Variants in XXYLT1 observed in about 807,000 individuals in gnomAD.
XXYLT1 encodes xyloside xylosyltransferase 1.
XXYLT1 carries 20 observed loss-of-function variants against 28.9 expected under a neutral mutation model. The observed-to-expected ratio is 0.69, with a 90% confidence interval of 0.49 to 1.00. XXYLT1 has a LOEUF of 1.00. Among genes scored for constraint, XXYLT1 ranks in the 50% least tolerant of loss-of-function variants. XXYLT1 has a pLI of 0.00. For missense variants in XXYLT1, 542 were observed against 560.1 expected (o/e 0.97, Z 0.33); for synonymous variants, 257 against 253.8 (o/e 1.01, Z -0.12).
chr3:195,186,615 T>TCC, intron 2 of XXYLT1, among the ~76,000 whole-genome samples: 1 of 150,570 alleles, frequency 6.6e-6, no homozygotes, highest in African/African-American at 2.4e-5. Context: ...TTAGTAACAA[T>TCC]CCCCCCCCAC....
chr3:195,119,013 C>CA (rs1328653903), intron 3 of XXYLT1, among the ~76,000 whole-genome samples: 1 of 152,058 alleles, frequency 6.6e-6, no homozygotes, highest in Non-Finnish European at 1.5e-5. Flanking sequence ...CGCGGTGGCT[C>CA]ATGCCTGTAA....
At chr3:195,097,279 T>C (rs1188078904) in intron 3 of XXYLT1, among the ~76,000 whole-genome samples, 1 of 152,224 alleles carries the variant, frequency 6.6e-6, no homozygotes, top group Non-Finnish European at 1.5e-5. Context: ...ATACTGTAGC[T>C]GACATTTACT....
chr3:195,222,904 T>C lies in XXYLT1; in HGVS notation c.652+3805A>G, dbSNP rs201613149. 4.1e-4 allele frequency among the ~76,000 whole-genome samples: 63 copies of C among 152,134 alleles called. No homozygotes were observed. In the East Asian group the frequency reaches 9.7e-3, roughly 23 times the overall value. Reference sequence around the variant, plus strand: ...TTGCCTAAATGTTTAAAAAGCTACATGTTGGGAATATAAAGAAGATAAAGA... The same window carrying C: ...TTGCCTAAATGTTTAAAAAGCTACACGTTGGGAATATAAAGAAGATAAAGA... On this transcript the variant is annotated intron_variant, in intron 2 of 3. Transcript: ENST00000310380.
Position 195,196,978 on chromosome 3 carries a change from A to G in XXYLT1, c.652+29731T>C, listed in dbSNP as rs191784391. 1.3e-3 allele frequency among the ~76,000 whole-genome samples: 192 copies of G among 152,302 alleles called. 2 individuals carry two copies. The highest frequency in any genetic ancestry group is 0.012 in the Admixed American group (187 of 15,294). ...TTTTTAAAACCCGGTGTTGTCAATT[A>G]CCTCACAGCATAACCACCCTGGATA... On this transcript the variant is annotated intron_variant, in intron 2 of 3. Transcript: ENST00000310380.
At chr3:195,243,217 G>A (rs1440794437) in intron 1 of XXYLT1, among the ~76,000 whole-genome samples, 3 of 151,804 alleles carry the variant, frequency 2.0e-5, no homozygotes, top group Non-Finnish European at 4.4e-5. Flanking sequence ...TCGTGGGGTG[G>A]GGGGAAGGGG....
At chr3:195,114,352 T>C (rs916355196) in intron 3 of XXYLT1, among the ~76,000 whole-genome samples, 10 of 152,212 alleles carry the variant, frequency 6.6e-5, no homozygotes, top group Non-Finnish European at 1.0e-4. Context: ...GAATGACTAC[T>C]GCCTGGAGAG....
intron 3 of XXYLT1, among the ~76,000 whole-genome samples, chr3:195,113,530 G>C (rs1717890476): frequency 6.6e-6 from 1 of 152,218 alleles, no homozygotes; most frequent in South Asian, 2.1e-4. Flanking sequence ...CTATTAAATA[G>C]TGGAGCCAGG....
rs146302066 is a variant in XXYLT1 at position 195,173,944 on chromosome 3, G to A, written c.653-17363C>T. Among the ~76,000 whole-genome samples, 520 of 152,336 alleles carry A rather than the reference G, an allele frequency of 3.4e-3. 2 individuals carry two copies. The highest frequency in any genetic ancestry group is 0.012 in the African/African-American group (499 of 41,576). On this transcript the variant is annotated intron_variant, in intron 2 of 3. Coordinates refer to ENST00000310380, the MANE Select transcript of XXYLT1 (RefSeq NM_152531.5). The surrounding 1 kb of genome is among the most constrained non-coding windows in gnomAD (Gnocchi z 4.3). Reference sequence around the variant, plus strand: ...TCAGTAGGCACTGGTGAGAACAGCCGCTGGCTCCCTCGGGTTGCAGGAGCA... The same window carrying A: ...TCAGTAGGCACTGGTGAGAACAGCCACTGGCTCCCTCGGGTTGCAGGAGCA...
At chr3:195,203,669 T>A (rs1394831136) in intron 2 of XXYLT1, among the ~76,000 whole-genome samples, 1 of 152,102 alleles carries the variant, frequency 6.6e-6, no homozygotes, top group African/African-American at 2.4e-5. Context: ...TGTGTCAGTG[T>A]CTCTCCAGCA....
chr3:195,109,380 G>A (rs1419473189), intron 3 of XXYLT1, among the ~76,000 whole-genome samples: 4 of 108,336 alleles, frequency 3.7e-5, no homozygotes, highest in Non-Finnish European at 2.0e-5. Context: ...CATGTGTGTA[G>A]TGTATAAGTG....
At chr3:195,247,369 ACCT>A (rs778130291) in intron 1 of XXYLT1, among the ~76,000 whole-genome samples, 2 of 152,190 alleles carry the variant, frequency 1.3e-5, no homozygotes, top group African/African-American at 2.4e-5. Context: ...CCATCCCATG[ACCT>A]ATGACCTCCA....
chr3:195,230,170 T>C (rs1171204240), intron 1 of XXYLT1, among the ~76,000 whole-genome samples: 4 of 152,232 alleles, frequency 2.6e-5, no homozygotes, highest in Non-Finnish European at 5.9e-5. Context: ...TGTTTGCCAT[T>C]TGTATGTCTT....
At chr3:195,144,364 A>G (rs180974425) in intron 3 of XXYLT1, among the ~76,000 whole-genome samples, 2 of 152,080 alleles carry the variant, frequency 1.3e-5, no homozygotes, top group Non-Finnish European at 2.9e-5. Flanking sequence ...CTGGCTGGCA[A>G]AGGGGGTCAA....
At chr3:195,103,361 C>CGCCAGCGACCTGCGTCCATCACCCCAT (rs1716902350) in intron 3 of XXYLT1, among the ~76,000 whole-genome samples, 1 of 139,292 alleles carries the variant, frequency 7.2e-6, no homozygotes, top group African/African-American at 2.8e-5. Context: ...CATCACCCCA[C>CGCCAGCGACCTGCGTCCATCACCCCAT]GCCAGCGGCC....
intron 2 of XXYLT1, among the ~76,000 whole-genome samples, chr3:195,167,555 C>T (rs1341301388): frequency 1.3e-5 from 2 of 152,192 alleles, no homozygotes; most frequent in Non-Finnish European, 2.9e-5. Context: ...CACACCACTG[C>T]ACTCCAGCCT....
intron 3 of XXYLT1, among the ~76,000 whole-genome samples, chr3:195,141,353 T>C (rs1719478340): frequency 6.6e-6 from 1 of 152,220 alleles, no homozygotes; most frequent in Admixed American, 6.5e-5. Context: ...CTGAAACAAT[T>C]CCAAATACTT....
intron 1 of XXYLT1, 46 bp downstream of exon 1, chr3:195,270,509 A>C: frequency 1.5e-6 from 2 of 1,358,252 alleles, no homozygotes; most frequent in Non-Finnish European, 1.9e-6. Flanking sequence ...CTCGCCTAGG[A>C]TGGGGTGGGC....
chr3:195,073,000 G>A lies in XXYLT1; in HGVS notation c.786-2889C>T, dbSNP rs147929473. Among the ~76,000 whole-genome samples, 413 of 152,296 alleles carry A rather than the reference G, an allele frequency of 2.7e-3. 2 individuals are homozygous for A. Among genetic ancestry groups the A allele is most frequent in the African/African-American group, 8.3e-3 (344 of 41,566 alleles). On this transcript the variant is annotated intron_variant, in intron 3 of 3. Transcript: ENST00000310380. ...AATCCCCCCAACGCAACAGCACAGC[G>A]TGGGTCACGAAGCCCTCTCACACTC...
intron 1 of XXYLT1, chr3:195,259,669 G>T (rs1452654176): frequency 3.0e-6 from 3 of 985,358 alleles, no homozygotes; most frequent in Non-Finnish European, 2.4e-6. Flanking sequence ...AATTAAGGAC[G>T]CCGGGCTCCA....
Sources: allele counts gnomAD v4.1 joint callset (sites outside exome capture counted in the v4.1 genomes callset), GRCh38; gene constraint gnomAD v4.1.1; non-coding constraint Gnocchi (gnomAD v3.1); transcripts MANE v1.5; gene names NCBI Gene and HGNC (gene_info 2026-07-23, HGNC 2026-07-21).